The following ZNF665 variants were observed in gnomAD, a reference collection of about 807,000 sequenced individuals.
ZNF665 encodes zinc finger protein 665.
Under a neutral mutation model 7.9 loss-of-function variants are expected in ZNF665, and 6 were observed. The ratio of observed to expected loss-of-function variants is 0.76; its 90% CI spans 0.42 to 1.50. The LOEUF (loss-of-function observed/expected upper bound fraction) is 1.50. ZNF665 is among the 40% of genes most tolerant of loss of function. The probability of loss-of-function intolerance (pLI) is 0.01; values close to 1 mark genes in which losing one functional copy is unlikely to be tolerated. For synonymous variants in ZNF665, 242 were observed against 274.5 expected (o/e 0.88, Z 1.17); for missense variants, 819 against 806.7 (o/e 1.02, Z -0.18).
rs751492177 is a variant in ZNF665 at position 53,166,378 on chromosome 19, G to T, written c.143-31C>A. ...AGATATAAACAACCATAGATTTCCA[G>T]TTAACTATAGTAGGTAAATAACTAT... On this transcript the variant is annotated intron_variant, in intron 3 of 3. Transcript: ENST00000396424. The T allele has an allele frequency of 1.3e-5, 20 of 1,499,010 alleles. No homozygotes were observed. In the Middle Eastern group the frequency reaches 9.0e-4, roughly 67 times the overall value. 92.9% of individuals were successfully genotyped at this position (1,499,010 alleles called of 1,614,324 possible).
chr19:53,172,008 C>A (rs2090662188), intron 3 of ZNF665, among the ~76,000 whole-genome samples: 1 of 152,176 alleles, frequency 6.6e-6, no homozygotes. Flanking sequence ...CACACCTTGG[C>A]CTCCCAAAGT....
At chr19:53,184,523 G>A (rs1469604752) in intron 1 of ZNF665, among the ~76,000 whole-genome samples, 2 of 152,082 alleles carry the variant, frequency 1.3e-5, no homozygotes, top group Non-Finnish European at 2.9e-5. Flanking sequence ...GGAGACAACT[G>A]GACAAAGGAT....
chr19:53,174,775 T>C (rs919252318), intron 3 of ZNF665, among the ~76,000 whole-genome samples: 3 of 151,490 alleles, frequency 2.0e-5, no homozygotes, highest in African/African-American at 7.3e-5. Context: ...CTTGTCTCTA[T>C]TAAAAATACA....
chr19:53,192,289 C>G (rs1311545709), intron 1 of ZNF665, among the ~76,000 whole-genome samples: 1 of 152,110 alleles, frequency 6.6e-6, no homozygotes, highest in Non-Finnish European at 1.5e-5. Context: ...CCCCAGATCC[C>G]AGGTCTCCCC....
intron 3 of ZNF665, among the ~76,000 whole-genome samples, chr19:53,170,632 T>TAC (rs959858563): frequency 6.6e-6 from 1 of 152,256 alleles, no homozygotes; most frequent in Non-Finnish European, 1.5e-5. Flanking sequence ...TTTTAAAGGC[T>TAC]ACACAGTGTT....
At chr19:53,181,725 T>C (rs1255763363) in intron 2 of ZNF665, 19 of 152,146 alleles carry the variant, frequency 1.2e-4, no homozygotes. Flanking sequence ...CAGACCTATT[T>C]AAAGAAATTA....
chr19:53,182,646 A>G (rs975367688), intron 2 of ZNF665: 6 of 857,216 alleles, frequency 7.0e-6, no homozygotes, highest in Admixed American at 4.0e-5. Flanking sequence ...GTCTCCATCC[A>G]TGTCGGGGTG....
intron 3 of ZNF665, among the ~76,000 whole-genome samples, chr19:53,166,878 T>C (rs775098288): frequency 6.6e-6 from 1 of 152,226 alleles, no homozygotes; most frequent in Non-Finnish European, 1.5e-5. Context: ...AATTCAATTT[T>C]AAAATGTCAG....
In ZNF665 at chr19:53,166,106, AT is replaced by A; in HGVS notation, c.383del (p.Asp128ValfsTer16). 1.2e-6 allele frequency: 2 copies of A among 1,613,958 alleles called. No homozygotes were observed. The highest frequency in any genetic ancestry group is 1.7e-6 in the Non-Finnish European group (2 of 1,179,874). Reference sequence around the variant, plus strand: ...TATGCCTGTTTCCTGCAGCCCTTCTATCACGTTGAGCTCTTCTACCAGGGAG... The same window carrying A: ...TATGCCTGTTTCCTGCAGCCCTTCTACACGTTGAGCTCTTCTACCAGGGAG... ...ENLPGRRAQR[D>X]RRAAGNRHIE... is the part of the protein sequence containing the mutation. On this transcript the variant is annotated frameshift_variant, in exon 4 of 4. Transcript: ENST00000396424. LOFTEE classifies it low-confidence loss of function (END_TRUNC).
intron 2 of ZNF665, among the ~76,000 whole-genome samples, chr19:53,178,272 A>G (rs1039998424): frequency 6.6e-6 from 1 of 152,234 alleles, no homozygotes; most frequent in Non-Finnish European, 1.5e-5. Flanking sequence ...TGCAACATCT[A>G]TCAGCAGCTG....
chr19:53,174,687 C>T (rs2090682946), intron 3 of ZNF665, among the ~76,000 whole-genome samples: 1 of 152,052 alleles, frequency 6.6e-6, no homozygotes, highest in African/African-American at 2.4e-5. Flanking sequence ...GCCTGTAATC[C>T]CAGCACTCTG....
intron 3 of ZNF665, among the ~76,000 whole-genome samples, chr19:53,171,525 T>TATATA (rs1555804190): frequency 7.3e-3 from 273 of 37,246 alleles, no homozygotes; most frequent in African/African-American, 0.025. Context: ...TATATATATA[T>TATATA]TTTTTTTTTT....
chr19:53,192,007 C>T (rs1442610176), intron 1 of ZNF665, among the ~76,000 whole-genome samples: 1 of 151,884 alleles, frequency 6.6e-6, no homozygotes, highest in Non-Finnish European at 1.5e-5. Context: ...TTCTCTTCTT[C>T]TCTCTCCTTG....
chr19:53,191,131 C>T (rs1044153426), intron 1 of ZNF665, among the ~76,000 whole-genome samples: 1 of 152,152 alleles, frequency 6.6e-6, no homozygotes, highest in Non-Finnish European at 1.5e-5. Flanking sequence ...CTAGTGGGAT[C>T]TAATGCTAAC....
rs139970713 is a variant in ZNF665, at chr19:53,174,958, A to G, written c.142+487T>C. ...GAAACTCCGTCTCAAAAAAAAAAAA[A>G]AAAGAAAGAAAAGAAAGAAAGAAAA... On this transcript the variant is annotated intron_variant, in intron 3 of 3. Transcript: ENST00000396424. Among the ~76,000 whole-genome samples, 589 of 147,088 alleles carry G rather than the reference A, an allele frequency of 4.0e-3. 21 individuals carry two copies. The East Asian group carries it at 0.069, about 17-fold the overall frequency.
At chr19:53,181,524 T>C (rs1043650305) in intron 2 of ZNF665, 1 of 152,002 alleles carries the variant, frequency 6.6e-6, no homozygotes, top group African/African-American at 2.4e-5. Flanking sequence ...AAGTAGGAGC[T>C]GGATCTGTTA....
chr19:53,168,009 T>C (rs1046921518), intron 3 of ZNF665, among the ~76,000 whole-genome samples: 15 of 129,856 alleles, frequency 1.2e-4, no homozygotes, highest in Non-Finnish European at 1.7e-4. Context: ...TGAGCCGAGA[T>C]TGTGCCATTG....
chr19:53,169,551 C>CT (rs2090641524), intron 3 of ZNF665, among the ~76,000 whole-genome samples: 1 of 151,940 alleles, frequency 6.6e-6, no homozygotes, highest in Non-Finnish European at 1.5e-5. Flanking sequence ...TATTACTATA[C>CT]TTTAAGTTTT....
chr19:53,190,522 T>A (rs1398860304), intron 1 of ZNF665, among the ~76,000 whole-genome samples: 1 of 151,776 alleles, frequency 6.6e-6, no homozygotes, highest in Non-Finnish European at 1.5e-5. Flanking sequence ...TGCTACATGC[T>A]ACTAGTAGCT....
Sources: gnomAD v4.1 joint callset for allele counts (sites outside exome capture counted in the v4.1 genomes callset) on GRCh38, gnomAD v4.1.1 for gene constraint, MANE v1.5 for transcripts, NCBI Gene and HGNC (gene_info 2026-07-23, HGNC 2026-07-21) for gene names.